VPS37B: variants seen among roughly 807,000 people sequenced by gnomAD.
The protein encoded by VPS37B is vacuolar protein sorting-associated protein 37B.
Under a neutral mutation model 21.2 loss-of-function variants are expected in VPS37B, and 11 were observed. The observed-to-expected ratio is 0.52, with a 90% confidence interval of 0.33 to 0.86. The LOEUF (loss-of-function observed/expected upper bound fraction) is 0.86, where lower values mean the gene tolerates loss of function less well. Ranked by LOEUF, VPS37B falls within the 40% of genes least tolerant of loss-of-function variation. VPS37B has a pLI of 0.03. For missense variants in VPS37B, 389 were observed against 374.8 expected (o/e 1.04, Z -0.31); for synonymous variants, 175 against 159.6 (o/e 1.10, Z -0.73).
intron 1 of VPS37B, chr12:122,874,098 G>C (rs553012496): frequency 1.3e-5 from 2 of 152,350 alleles, no homozygotes; most frequent in African/African-American, 4.8e-5. Flanking sequence ...GGACCTTAAA[G>C]TAATTGTCAA....
chr12:122,869,685 CTG>C (rs1020131874), intron 2 of VPS37B, among the ~76,000 whole-genome samples: 3 of 152,202 alleles, frequency 2.0e-5, no homozygotes, highest in African/African-American at 7.2e-5. Context: ...TCACAGTTCA[CTG>C]TGGCCTCAGC....
chr12:122,889,870 T>C, intron 1 of VPS37B: 1 of 152,276 alleles, frequency 6.6e-6, no homozygotes, highest in Middle Eastern at 3.2e-3. Flanking sequence ...GTCATTTCTC[T>C]ACACACAAGT....
intron 1 of VPS37B, chr12:122,888,484 G>A (rs1204563884): frequency 2.2e-6 from 1 of 452,584 alleles, no homozygotes; most frequent in Non-Finnish European, 4.5e-6. Context: ...ACGAGTGGCT[G>A]GCACACGGTC....
chr12:122,891,215 CT>C (rs2034406593), intron 1 of VPS37B, among the ~76,000 whole-genome samples: 1 of 152,206 alleles, frequency 6.6e-6, no homozygotes, highest in Admixed American at 6.5e-5. Context: ...CACCACTGCA[CT>C]TTTAGCAAAC....
chr12:122,868,625 C>A lies in VPS37B; in HGVS notation c.284-63G>T. The A allele has an allele frequency of 7.1e-7, 1 of 1,405,848 alleles. No homozygotes were observed. Among genetic ancestry groups the A allele is most frequent in the Non-Finnish European group, 9.9e-7 (1 of 1,008,132 alleles). 87.1% of individuals were successfully genotyped at this position (1,405,848 alleles called of 1,614,324 possible). A position where few individuals can be genotyped will look rare whatever the true frequency, so the allele number is the denominator to read the frequency against. ...TGTCCAGGTAAAGCCCTTCATGATG[C>A]CAACCACGGCAGGATTGCACCTTCC... On this transcript the variant is annotated intron_variant, in intron 2 of 3. Coordinates refer to ENST00000267202, the MANE Select transcript of VPS37B (RefSeq NM_024667.3). This position sits in a 1 kb window ranked among gnomAD's most constrained non-coding sequence, Gnocchi z 5.5.
intron 2 of VPS37B, among the ~76,000 whole-genome samples, chr12:122,869,708 G>T (rs1406453389): frequency 6.6e-6 from 1 of 152,120 alleles, no homozygotes; most frequent in East Asian, 1.9e-4. Flanking sequence ...CTTCAGAGTA[G>T]GTGGGACTAT....
chr12:122,870,765 T>C, intron 2 of VPS37B, 125 bp downstream of exon 2: 1 of 922,000 alleles, frequency 1.1e-6, no homozygotes, highest in Admixed American at 2.5e-5. Flanking sequence ...ATTTGTTCAT[T>C]GCAGTAGAGT....
In VPS37B at chr12:122,896,051, G is replaced by A. The variant is rs750950263; in HGVS notation, c.12C>T (p.Ala4=). Residue 4 remains alanine, a synonymous_variant, in exon 1 of 4, where the codon GCC becomes GCT. Coordinates refer to ENST00000267202, the MANE Select transcript of VPS37B (RefSeq NM_024667.3). MAG[A]GSEARFAGLS... ...GCCCGGCGAACCGGGCTTCGCTCCC[G>A]GCGCCCGCCATCCCCACGTCTCGGC... is the stretch of plus-strand genomic sequence containing the variant. The A allele has an allele frequency of 1.9e-6, 3 of 1,581,560 alleles. No individual in the cohort carries two copies. Among genetic ancestry groups the A allele is most frequent in the Admixed American group, 3.5e-5 (2 of 57,672 alleles).
chr12:122,871,115 C>G, intron 1 of VPS37B, 54 bp from the exon 2 acceptor site: 6 of 1,593,308 alleles, frequency 3.8e-6, no homozygotes, highest in Non-Finnish European at 5.1e-6. Context: ...CTCCTAAACC[C>G]CTGAGGTCCC....
At chr12:122,872,960 A>G (rs2135700879) in intron 1 of VPS37B, 1 of 153,174 alleles carries the variant, frequency 6.5e-6, no homozygotes, top group African/African-American at 2.4e-5. Flanking sequence ...AAAGGAAGAA[A>G]CTTGACTGGC....
chr12:122,893,255 G>A (rs918943011), intron 1 of VPS37B, among the ~76,000 whole-genome samples: 35 of 152,036 alleles, frequency 2.3e-4, no homozygotes, highest in Non-Finnish European at 1.5e-5. Flanking sequence ...CCCTACTGAT[G>A]GGCTGTGTTA....
chr12:122,888,269 C>T, intron 1 of VPS37B: 1 of 304,926 alleles, frequency 3.3e-6, no homozygotes, highest in South Asian at 2.8e-5. Flanking sequence ...GTAACGTATT[C>T]TAGAGACAAC....
At chr12:122,888,860 C>T (rs1034510755) in intron 1 of VPS37B, 1 of 298,860 alleles carries the variant, frequency 3.3e-6, no homozygotes, top group Non-Finnish European at 6.7e-6. Flanking sequence ...TGTCTCCAAG[C>T]AGAGCATTCA....
rs1168906741 is a variant in VPS37B, at chr12:122,896,018, C to T, written c.45G>A (p.Leu15=). ...CCTCCAGCAGCTCGTTGAGCTGCAC[C>T]AGCGACAGCCCGGCGAACCGGGCTT... ...GSEARFAGLS[L]VQLNELLEDE... is the part of the protein sequence containing the mutation. Residue 15 remains leucine (L), a synonymous_variant, in exon 1 of 4, where the codon CTG becomes CTA. Coordinates refer to ENST00000267202, the MANE Select transcript of VPS37B (RefSeq NM_024667.3). 1.4e-5 allele frequency: 22 copies of T among 1,595,778 alleles called. No individual in the cohort carries two copies. Among genetic ancestry groups the T allele is most frequent in the Non-Finnish European group, 1.8e-5 (21 of 1,173,732 alleles).
Position 122,867,212 on chromosome 12 carries a change from T to A in VPS37B, c.762A>T (p.Gly254=). The A allele has an allele frequency of 1.3e-6, 2 of 1,575,384 alleles. No homozygotes were observed. Among genetic ancestry groups the A allele is most frequent in the South Asian group, 2.4e-5 (2 of 84,170 alleles). The change falls in exon 4 of 4, where the codon GGA becomes GGT. Residue 254 remains glycine (G), a synonymous_variant. Transcript: ENST00000267202. The surrounding 1 kb of genome is among the most constrained non-coding windows in gnomAD (Gnocchi z 5.5). The stretch of plus-strand genomic sequence containing the variant: ...ATGGGGACACGAACTGCGAAGAGAA[T>A]CCTTGCTGAGTGGGGAGGCCCACGC... ...PPRVGLPTQQ[G]FSSQFVSPYP...
chr12:122,891,027 A>G (rs1593926429), intron 1 of VPS37B, among the ~76,000 whole-genome samples: 1 of 152,232 alleles, frequency 6.6e-6, no homozygotes, highest in South Asian at 2.1e-4. Flanking sequence ...GCTAAGTATC[A>G]TATTAGGCAT....
intron 1 of VPS37B, among the ~76,000 whole-genome samples, chr12:122,894,511 C>T (rs1219097308): frequency 1.3e-5 from 2 of 152,214 alleles, no homozygotes; most frequent in East Asian, 1.9e-4. Flanking sequence ...AACAATCCCT[C>T]TTCGGAAAGA....
chr12:122,874,063 T>G (rs1359516231), intron 1 of VPS37B: 1 of 152,234 alleles, frequency 6.6e-6, no homozygotes, highest in Non-Finnish European at 1.5e-5. Context: ...CACTAGAGAC[T>G]AAGTCTGAGG....
At chr12:122,891,776 T>G (rs1049414405) in intron 1 of VPS37B, among the ~76,000 whole-genome samples, 5 of 152,244 alleles carry the variant, frequency 3.3e-5, no homozygotes, top group African/African-American at 1.2e-4. Flanking sequence ...TTATGATTCA[T>G]GCAGTAGCTT....
Sources: allele counts gnomAD v4.1 joint callset (sites outside exome capture counted in the v4.1 genomes callset), GRCh38; gene constraint gnomAD v4.1.1; non-coding constraint Gnocchi (gnomAD v3.1); transcripts MANE v1.5; gene names NCBI Gene and HGNC (gene_info 2026-07-23, HGNC 2026-07-21).